Variants in BBX observed in about 807,000 individuals in gnomAD.
BBX encodes HMG box transcription factor BBX.
A neutral mutation model predicts 100.2 loss-of-function variants in BBX; 30 were observed. The ratio of observed to expected loss-of-function variants is 0.30; its 90% CI spans 0.22 to 0.41. The LOEUF (loss-of-function observed/expected upper bound fraction) is 0.41, where lower values mean the gene tolerates loss of function less well. Among genes scored for constraint, BBX ranks in the 10% least tolerant of loss-of-function variants. The pLI, the probability that BBX is intolerant of heterozygous loss-of-function variation, is 1.00. For missense variants in BBX, 1,023 were observed against 1,129.8 expected (o/e 0.91, Z 1.35); for synonymous variants, 376 against 388.1 (o/e 0.97, Z 0.37).
chr3:107,615,754 A>G (rs2055205401), intron 2 of BBX, among the ~76,000 whole-genome samples: 1 of 152,224 alleles, frequency 6.6e-6, no homozygotes, highest in African/African-American at 2.4e-5. Context: ...TGCCTCTCAG[A>G]TACCTAGATT....
intron 10 of BBX, among the ~76,000 whole-genome samples, chr3:107,763,081 A>G (rs985902289): frequency 6.6e-6 from 1 of 152,182 alleles, no homozygotes; most frequent in Non-Finnish European, 1.5e-5. Flanking sequence ...CCTATCCCTA[A>G]GATATGTCAT....
chr3:107,735,951 T>A (rs1413566888), intron 7 of BBX, among the ~76,000 whole-genome samples: 3 of 152,010 alleles, frequency 2.0e-5, no homozygotes, highest in African/African-American at 7.2e-5. Context: ...TGAAAAAAAA[T>A]GGATGCGTTT....
intron 7 of BBX, 131 bp downstream of exon 7, chr3:107,733,154 T>C: frequency 1.3e-6 from 1 of 784,828 alleles, no homozygotes; most frequent in Non-Finnish European, 2.0e-6. Flanking sequence ...ATCTTTCTCT[T>C]TAAGATCTTT....
intron 8 of BBX, among the ~76,000 whole-genome samples, chr3:107,745,325 A>AT (rs1228915296): frequency 1.3e-5 from 2 of 152,030 alleles, no homozygotes; most frequent in Admixed American, 6.6e-5. Context: ...TCACTGATAC[A>AT]TTTTTTTCTT....
chr3:107,639,646 T>C (rs1385578178), intron 2 of BBX, among the ~76,000 whole-genome samples: 1 of 152,184 alleles, frequency 6.6e-6, no homozygotes, highest in Admixed American at 6.6e-5. Flanking sequence ...CTGACTGGAC[T>C]AATGCCTACT....
intron 2 of BBX, chr3:107,638,503 A>G (rs1377954514): frequency 6.6e-6 from 1 of 152,170 alleles, no homozygotes; most frequent in African/African-American, 2.4e-5. Context: ...CCTTATCAGG[A>G]ATATCCTTGG....
chr3:107,650,208 A>T (rs2057761027), intron 3 of BBX, among the ~76,000 whole-genome samples: 1 of 152,124 alleles, frequency 6.6e-6, no homozygotes, highest in Non-Finnish European at 1.5e-5. Flanking sequence ...ACCAGGTTGC[A>T]CAGCAGGAGC....
intron 15 of BBX, among the ~76,000 whole-genome samples, chr3:107,796,915 G>A (rs988881541): frequency 1.2e-4 from 19 of 152,076 alleles, no homozygotes; most frequent in Non-Finnish European, 4.4e-5. Context: ...ACTTGAAAAG[G>A]TGTTTGGGAG....
chr3:107,726,843 A>G (rs1485273390), intron 5 of BBX, among the ~76,000 whole-genome samples: 1 of 152,226 alleles, frequency 6.6e-6, no homozygotes, highest in East Asian at 1.9e-4. Flanking sequence ...AGTTTCTGTC[A>G]TCTAGTCAGT....
At chr3:107,769,225 GA>G (rs1448642433) in intron 10 of BBX, among the ~76,000 whole-genome samples, 1 of 121,402 alleles carries the variant, frequency 8.2e-6, no homozygotes, top group African/African-American at 3.1e-5. Flanking sequence ...TAGATAGATA[GA>G]TAGACAGATA....
At chr3:107,802,292 C>T (rs1023268069) in intron 17 of BBX, among the ~76,000 whole-genome samples, 7 of 152,224 alleles carry the variant, frequency 4.6e-5, no homozygotes, top group African/African-American at 1.7e-4. Context: ...GCTTGGTTTG[C>T]TTCTTGCTAT....
At chr3:107,731,905 G>A (rs746989499) in intron 6 of BBX, among the ~76,000 whole-genome samples, 5 of 152,038 alleles carry the variant, frequency 3.3e-5, no homozygotes, top group Non-Finnish European at 5.9e-5. Context: ...TATACGTTGA[G>A]GACCTTATAT....
At chr3:107,661,358 A>G (rs2058435318) in intron 3 of BBX, among the ~76,000 whole-genome samples, 1 of 152,180 alleles carries the variant, frequency 6.6e-6, no homozygotes, top group African/African-American at 2.4e-5. Context: ...GGCCTCGATT[A>G]TCATTCATTT....
intron 7 of BBX, among the ~76,000 whole-genome samples, chr3:107,743,559 T>G (rs1462864038): frequency 6.6e-6 from 1 of 152,218 alleles, no homozygotes; most frequent in Non-Finnish European, 1.5e-5. Flanking sequence ...CAATTAAAAT[T>G]TCAAATGTTT....
chr3:107,633,222 A>T (rs2107735746), intron 2 of BBX, among the ~76,000 whole-genome samples: 1 of 152,230 alleles, frequency 6.6e-6, no homozygotes, highest in South Asian at 2.1e-4. Flanking sequence ...ATAGATAATA[A>T]TGCTATTTAT....
intron 3 of BBX, among the ~76,000 whole-genome samples, chr3:107,661,581 T>C (rs2058446258): frequency 6.6e-6 from 1 of 152,118 alleles, no homozygotes. Flanking sequence ...GTATCACAGA[T>C]TTAGTAACAT....
intron 3 of BBX, 114 bp from the exon 4 acceptor site, chr3:107,710,334 CTAAT>C (rs1398353406): frequency 1.6e-5 from 12 of 746,718 alleles, no homozygotes; most frequent in African/African-American, 7.2e-5. Flanking sequence ...AAATTATAAT[CTAAT>C]TAATCCTAAA....
rs138346013 is a variant in BBX at position 107,650,167 on chromosome 3, C to T, written c.-10+4258C>T. Among the ~76,000 whole-genome samples, 22 of 152,256 alleles carry T rather than the reference C, an allele frequency of 1.4e-4. 1 individual carries two copies. The East Asian group carries it at 4.1e-3, about 28-fold the overall frequency. Reference sequence around the variant, plus strand: ...CAGGGGTCCCCGACTTCCTGGGCCTCGGACTGGTACTGGTCCATGGCCTGT... The same window carrying T: ...CAGGGGTCCCCGACTTCCTGGGCCTTGGACTGGTACTGGTCCATGGCCTGT... On this transcript the variant is annotated intron_variant, in intron 3 of 17. Coordinates refer to ENST00000325805, the MANE Select transcript of BBX (RefSeq NM_001142568.3).
At chr3:107,670,324 A>G (rs372555330) in intron 3 of BBX, among the ~76,000 whole-genome samples, 1 of 152,172 alleles carries the variant, frequency 6.6e-6, no homozygotes, top group Non-Finnish European at 1.5e-5. Flanking sequence ...AGGATATAAA[A>G]TGACAGCTAA....
Sources: gnomAD v4.1 joint callset for allele counts (sites outside exome capture counted in the v4.1 genomes callset) on GRCh38, gnomAD v4.1.1 for gene constraint, MANE v1.5 for transcripts, NCBI Gene and HGNC (gene_info 2026-07-23, HGNC 2026-07-21) for gene names.